Variants in LMTK2 observed in about 807,000 individuals in gnomAD.
LMTK2 encodes the protein serine/threonine-protein kinase LMTK2.
Under a neutral mutation model 127.5 loss-of-function variants are expected in LMTK2, and 37 were observed. That is an observed-to-expected ratio of 0.29 (90% CI 0.22 to 0.38). The LOEUF (loss-of-function observed/expected upper bound fraction) is 0.38. Ranked by LOEUF, LMTK2 falls within the 10% of genes least tolerant of loss-of-function variation. The probability of loss-of-function intolerance (pLI) is 1.00; values close to 1 mark genes in which losing one functional copy is unlikely to be tolerated. For missense variants in LMTK2, 1,694 were observed against 1,920.3 expected (o/e 0.88, Z 2.20); for synonymous variants, 819 against 810.1 (o/e 1.01, Z -0.19).
chr7:98,117,259 T>C (rs1327197074), intron 1 of LMTK2, among the ~76,000 whole-genome samples: 5 of 152,210 alleles, frequency 3.3e-5, no homozygotes, highest in Admixed American at 3.3e-4. Flanking sequence ...TTTCTTCCTC[T>C]TCCCCTTCCC....
At chr7:98,170,871 G>A (rs1797176790) in intron 6 of LMTK2, among the ~76,000 whole-genome samples, 1 of 152,118 alleles carries the variant, frequency 6.6e-6, no homozygotes, top group Admixed American at 6.5e-5. Context: ...GCCATGTGCT[G>A]GGCATCTGAC....
chr7:98,146,968 C>T (rs1304892256), intron 3 of LMTK2, among the ~76,000 whole-genome samples: 1 of 152,172 alleles, frequency 6.6e-6, no homozygotes, highest in South Asian at 2.1e-4. Flanking sequence ...ATTTGTTTAT[C>T]TCAGAATGTC....
intron 1 of LMTK2, among the ~76,000 whole-genome samples, chr7:98,127,118 T>G (rs1796455504): frequency 6.6e-6 from 1 of 152,252 alleles, no homozygotes; most frequent in East Asian, 1.9e-4. Flanking sequence ...ACTTTGTGAC[T>G]TAAAATTCTG....
intron 1 of LMTK2, among the ~76,000 whole-genome samples, chr7:98,111,596 T>G (rs1796202215): frequency 6.6e-6 from 1 of 152,078 alleles, no homozygotes; most frequent in Admixed American, 6.5e-5. Flanking sequence ...TTAAAAAGGG[T>G]GGCAATGACA....
chr7:98,192,132 A>T lies in LMTK2; in HGVS notation c.1667A>T (p.Glu556Val). Residue 556 changes from glutamate to valine, a missense_variant, in exon 11 of 14, where the codon GAA becomes GTA. Around this residue, in one of 8 missense-constraint regions of LMTK2, gnomAD observed 527 missense variants for 539.8 expected, o/e 0.98. Coordinates refer to ENST00000297293, the MANE Select transcript of LMTK2 (RefSeq NM_014916.4). The part of the protein sequence containing the change: ...SVGSDYYIQL[E>V]EKSGSNLELD... ...GGAAGCGACTATTATATCCAGTTAG[A>T]AGAAAAAAGTGGTAGTAACTTGGAG... 6.5e-7 allele frequency: 1 copy of T among 1,534,502 alleles called. No individual in the cohort carries two copies. Among genetic ancestry groups the T allele is most frequent in the Non-Finnish European group, 8.7e-7 (1 of 1,144,288 alleles).
At chr7:98,159,846 C>T (rs936277622) in intron 6 of LMTK2, among the ~76,000 whole-genome samples, 3 of 152,182 alleles carry the variant, frequency 2.0e-5, no homozygotes, top group Non-Finnish European at 4.4e-5. Context: ...GCCCAAGAAT[C>T]GCTTTACCTA....
intron 11 of LMTK2, among the ~76,000 whole-genome samples, chr7:98,202,116 A>G (rs573423287): frequency 4.4e-4 from 65 of 147,158 alleles, no homozygotes; most frequent in African/African-American, 1.6e-3. Context: ...TTCTTCCTCC[A>G]GGTTTTTTTT....
At chr7:98,145,866 G>A (rs1236400317) in intron 3 of LMTK2, among the ~76,000 whole-genome samples, 1 of 152,138 alleles carries the variant, frequency 6.6e-6, no homozygotes. Flanking sequence ...TGCTTTTGGT[G>A]TCATATTTAA....
chr7:98,149,236 C>T (rs997923335), intron 3 of LMTK2, among the ~76,000 whole-genome samples: 2 of 152,180 alleles, frequency 1.3e-5, no homozygotes, highest in Non-Finnish European at 2.9e-5. Flanking sequence ...TGGTACCCAC[C>T]TGGGAACACA....
chr7:98,146,770 A>C (rs1270652232), intron 3 of LMTK2, among the ~76,000 whole-genome samples: 1 of 152,212 alleles, frequency 6.6e-6, no homozygotes, highest in Non-Finnish European at 1.5e-5. Flanking sequence ...AGGAAATAAA[A>C]AGAGGCGTTA....
At chr7:98,117,027 AC>A (rs1796297340) in intron 1 of LMTK2, among the ~76,000 whole-genome samples, 2 of 152,368 alleles carry the variant, frequency 1.3e-5, no homozygotes, top group African/African-American at 4.8e-5. Context: ...GTGTGTGCAC[AC>A]AACATCACAC....
In LMTK2 at chr7:98,125,263, G is replaced by A. The variant is rs531476400; in HGVS notation, c.104-12052G>A. 2.3e-3 allele frequency among the ~76,000 whole-genome samples: 352 copies of A among 150,546 alleles called. 3 individuals are homozygous for A. Among genetic ancestry groups the A allele is most frequent in the African/African-American group, 7.6e-3 (313 of 40,954 alleles). ...GCTTGCAGTGAGCCAAGATCACGCC[G>A]CTGCACTCCAGCCTGGGTGACAGAG... is the stretch of plus-strand genomic sequence containing the variant. On this transcript the variant is annotated intron_variant, in intron 1 of 13. Transcript: ENST00000297293.
At chr7:98,189,403 G>T (rs1193932047) in intron 9 of LMTK2, among the ~76,000 whole-genome samples, 1 of 152,096 alleles carries the variant, frequency 6.6e-6, no homozygotes, top group Non-Finnish European at 1.5e-5. Flanking sequence ...AGTGATTTTT[G>T]TCAAAATGTA....
In LMTK2 at chr7:98,137,380, A is replaced by C; in HGVS notation, c.169A>C (p.Ile57Leu). 1 of 1,613,836 alleles carries C rather than the reference A, an allele frequency of 6.2e-7. No individual in the cohort carries two copies. Among genetic ancestry groups the C allele is most frequent in the Non-Finnish European group, 8.5e-7 (1 of 1,179,770 alleles). Residue 57 changes from isoleucine to leucine, a missense_variant, in exon 2 of 14, where the codon ATA becomes CTA. Transcript: ENST00000297293. ...FVILCVCSLI[I>L]LIVLIANCVS... Reference sequence around the variant, plus strand: ...GATCCTGTGTGTGTGCAGTTTAATAATATTAATAGTGTTAATTGCAAACTG... The same window carrying C: ...GATCCTGTGTGTGTGCAGTTTAATACTATTAATAGTGTTAATTGCAAACTG...
At chr7:98,130,576 C>T (rs1414565741) in intron 1 of LMTK2, among the ~76,000 whole-genome samples, 4 of 152,098 alleles carry the variant, frequency 2.6e-5, no homozygotes, top group African/African-American at 4.8e-5. Context: ...AGGGTCTTTA[C>T]GGGGATGATC....
At chr7:98,174,649 T>C (rs1359698788) in intron 7 of LMTK2, among the ~76,000 whole-genome samples, 1 of 152,192 alleles carries the variant, frequency 6.6e-6, no homozygotes, top group Non-Finnish European at 1.5e-5. Flanking sequence ...GCTGGAGACC[T>C]GGAGGGGGTA....
intron 7 of LMTK2, among the ~76,000 whole-genome samples, chr7:98,173,530 G>T (rs1192266649): frequency 2.6e-5 from 4 of 152,112 alleles, no homozygotes; most frequent in Non-Finnish European, 1.5e-5. Context: ...TTTTGGAGAA[G>T]GGGGTTTAAT....
In LMTK2 at chr7:98,193,195, C is replaced by T. The variant is rs542340989; in HGVS notation, c.2730C>T (p.Ser910=). ...TTCTTGCTGATGACATCCTTGCCAG[C>T]AGGGTGAGTGTAGGGAGTAGTCTCC... is the stretch of plus-strand genomic sequence containing the variant. ...DSVLADDILA[S]RVSVGSSLPE... is the part of the protein sequence containing the mutation. The change falls in exon 11 of 14, where the codon AGC becomes AGT. Residue 910 remains serine, a synonymous_variant. Coordinates refer to ENST00000297293, the MANE Select transcript of LMTK2 (RefSeq NM_014916.4). This position sits in a 1 kb window ranked among gnomAD's most constrained non-coding sequence, Gnocchi z 4.1. 6 of 1,613,742 alleles carry T rather than the reference C, an allele frequency of 3.7e-6. No homozygotes were observed. The African/African-American group carries it at 8.0e-5, about 22-fold the overall frequency.
chr7:98,177,122 G>T (rs79795720), intron 7 of LMTK2, among the ~76,000 whole-genome samples: 20,423 of 152,140 alleles, frequency 0.13, 1,530 homozygotes, highest in East Asian at 0.21. Context: ...TGGTGCCATG[G>T]TGTTGGATGT....
Sources: allele counts gnomAD v4.1 joint callset (sites outside exome capture counted in the v4.1 genomes callset), GRCh38; gene constraint gnomAD v4.1.1; regional missense constraint gnomAD v4.1.1; non-coding constraint Gnocchi (gnomAD v3.1); transcripts MANE v1.5; gene names NCBI Gene and HGNC (gene_info 2026-07-23, HGNC 2026-07-21).